Variants in CDH23 observed in about 807,000 individuals in gnomAD.
CDH23 encodes cadherin-23.
Under a neutral mutation model 317.1 loss-of-function variants are expected in CDH23, and 189 were observed. The observed-to-expected ratio is 0.60, with a 90% CI of 0.53 to 0.67. The LOEUF is 0.67. Ranked by LOEUF, CDH23 falls within the 30% of genes least tolerant of loss-of-function variation. The pLI is 0.00. For synonymous variants in CDH23, 1,839 were observed against 1,876.8 expected (o/e 0.98, Z 0.52); for missense variants, 4,401 against 4,592.4 (o/e 0.96, Z 1.20).
chr10:71,772,323 G>A (rs1384258847), intron 38 of CDH23, among the ~76,000 whole-genome samples: 5 of 152,104 alleles, frequency 3.3e-5, no homozygotes, highest in Non-Finnish European at 1.5e-5. Flanking sequence ...CCTGCCCACT[G>A]GGTCCCTGTG....
intron 37 of CDH23, 90 bp from the exon 38 acceptor site, chr10:71,741,604 C>T: frequency 1.8e-6 from 2 of 1,098,358 alleles, no homozygotes; most frequent in South Asian, 2.8e-5. Flanking sequence ...TTGGGAGGTA[C>T]AGGGGGAGCC....
chr10:71,791,424 G>C, intron 47 of CDH23, 89 bp downstream of exon 47: 1 of 1,162,496 alleles, frequency 8.6e-7, no homozygotes, highest in Non-Finnish European at 1.2e-6. Flanking sequence ...CACGGAGTTT[G>C]CCTCCAGTGG....
chr10:71,568,116 T>G (rs555638408), intron 7 of CDH23, among the ~76,000 whole-genome samples: 1 of 152,244 alleles, frequency 6.6e-6, no homozygotes, highest in African/African-American at 2.4e-5. Context: ...AATGCGAACT[T>G]CTTGTTTGGC....
At chr10:71,567,386 A>G (rs925722488) in intron 7 of CDH23, among the ~76,000 whole-genome samples, 5 of 152,332 alleles carry the variant, frequency 3.3e-5, no homozygotes, top group Non-Finnish European at 7.3e-5. Context: ...TGCAGGGCCC[A>G]AAGGAGTTCA....
chr10:71,686,308 A>G (rs1475626244), intron 18 of CDH23, among the ~76,000 whole-genome samples: 1 of 152,076 alleles, frequency 6.6e-6, no homozygotes, highest in African/African-American at 2.4e-5. Flanking sequence ...CACCAGGGAC[A>G]GGGGAGATGC....
At chr10:71,662,682 A>G (rs139928224) in intron 14 of CDH23, among the ~76,000 whole-genome samples, 2 of 152,044 alleles carry the variant, frequency 1.3e-5, no homozygotes, top group African/African-American at 4.8e-5. Flanking sequence ...TTCCTTTTCT[A>G]CCACATCATC....
chr10:71,739,545 G>A (rs1363642161), intron 35 of CDH23, 99 bp from the exon 36 acceptor site: 2 of 1,444,580 alleles, frequency 1.4e-6, no homozygotes. Flanking sequence ...TCAACAGAGG[G>A]CCCACGTGGG....
chr10:71,796,372 T>C lies in CDH23; in HGVS notation c.6713-732T>C, dbSNP rs568814920. ...AGCAGGCAGGGACTCTGGGAGGCAG[T>C]GGGTAGAACAGAAGGAAACCCCTTG... On this transcript the variant is annotated intron_variant, in intron 48 of 69. Transcript: ENST00000224721. 5.9e-5 allele frequency among the ~76,000 whole-genome samples: 9 copies of C among 152,260 alleles called. No homozygotes were observed. In the South Asian group the frequency reaches 1.9e-3, roughly 32 times the overall value.
intron 3 of CDH23, among the ~76,000 whole-genome samples, chr10:71,478,283 A>G (rs1205264997): frequency 6.6e-6 from 1 of 152,182 alleles, no homozygotes; most frequent in East Asian, 1.9e-4. Flanking sequence ...TTACCACTGT[A>G]TGGTTGACCC....
chr10:71,495,134 G>A (rs553975410), intron 3 of CDH23, among the ~76,000 whole-genome samples: 10 of 152,260 alleles, frequency 6.6e-5, no homozygotes, highest in African/African-American at 1.7e-4. Flanking sequence ...AGGCAAGAAC[G>A]GCATTTGCAT....
intron 6 of CDH23, among the ~76,000 whole-genome samples, chr10:71,519,358 C>A (rs1424552894): frequency 6.6e-6 from 1 of 152,260 alleles, no homozygotes; most frequent in East Asian, 1.9e-4. Flanking sequence ...CAGCTCCTTT[C>A]TTTTAAATGG....
In CDH23 at chr10:71,510,201, C is replaced by A; in HGVS notation, c.265C>A (p.Leu89Ile). The A allele has an allele frequency of 6.2e-7, 1 of 1,613,756 alleles. No homozygotes were observed. Among genetic ancestry groups the A allele is most frequent in the African/African-American group, 1.3e-5 (1 of 75,020 alleles). ...AVEPDTGVVWLRQPLDRETKS... is the reference protein window; with the variant it reads ...AVEPDTGVVWIRQPLDRETKS... ...GGAGCCTGACACTGGCGTGGTGTGG[C>A]TCCGGCAGCCACTGGACAGAGAGGT... The change falls in exon 4 of 70, where the codon CTC (leucine) becomes ATC (isoleucine). Residue 89 changes from leucine to isoleucine, a missense_variant. Leu to Ile is a conservative substitution (Grantham distance 5, BLOSUM62 2). Around this residue, in one of 3 missense-constraint regions of CDH23, gnomAD observed 3,068 missense variants for 3,203.3 expected, o/e 0.96. Coordinates refer to ENST00000224721, the MANE Select transcript of CDH23 (RefSeq NM_022124.6).
At chr10:71,561,975 C>T (rs1857154441) in intron 6 of CDH23, among the ~76,000 whole-genome samples, 1 of 152,114 alleles carries the variant, frequency 6.6e-6, no homozygotes, top group African/African-American at 2.4e-5. Flanking sequence ...TGCTCCTTTC[C>T]AGCAAGAAGC....
chr10:71,535,045 C>A (rs749669341), intron 6 of CDH23, among the ~76,000 whole-genome samples: 5 of 152,336 alleles, frequency 3.3e-5, no homozygotes, highest in South Asian at 4.1e-4. Context: ...GTGCCCTCCG[C>A]GGCTCTTCAG....
At position 71,445,782 on chromosome 10, in the gene CDH23, G is replaced by A. The variant is rs141539468; in HGVS notation, c.68-536G>A. Among the ~76,000 whole-genome samples the A allele has an allele frequency of 3.6e-4, 53 of 147,424 alleles. No homozygotes were observed. The East Asian group carries it at 9.4e-3, about 26-fold the overall frequency. ...AAAATCGCTTTAGCTTGGGTGGTCCGGCCTGCCGTGAGCCATGATCACACT... is the reference window on the plus strand; with the variant it reads ...AAAATCGCTTTAGCTTGGGTGGTCCAGCCTGCCGTGAGCCATGATCACACT... On this transcript the variant is annotated intron_variant, in intron 2 of 69. Coordinates refer to ENST00000224721, the MANE Select transcript of CDH23 (RefSeq NM_022124.6).
chr10:71,490,841 G>A (rs12761084), intron 3 of CDH23, among the ~76,000 whole-genome samples: 5,457 of 152,170 alleles, frequency 0.036, 139 homozygotes, highest in Non-Finnish European at 0.058. Flanking sequence ...TGAGGCACAG[G>A]GAGGCAAAGT....
intron 44 of CDH23, 69 bp from the exon 45 acceptor site, chr10:71,788,871 C>T (rs551362218): frequency 1.2e-6 from 1 of 801,190 alleles, no homozygotes; most frequent in Non-Finnish European, 2.3e-6. Flanking sequence ...CCTCCCAACC[C>T]TCCTCCCACC....
intron 2 of CDH23, among the ~76,000 whole-genome samples, chr10:71,445,847 CAAAAAAA>C (rs34460284): frequency 1.1e-5 from 1 of 92,038 alleles, no homozygotes; most frequent in Non-Finnish European, 2.0e-5. Context: ...GACTCTGTCT[CAAAAAAA>C]AAAAAAAAAA....
chr10:71,470,591 G>A (rs556732635), intron 3 of CDH23, among the ~76,000 whole-genome samples: 57 of 152,012 alleles, frequency 3.7e-4, no homozygotes, highest in African/African-American at 1.4e-3. Context: ...CTAGGCTCTA[G>A]CAGTCCTTCC....
Sources: gnomAD v4.1 joint callset for allele counts (sites outside exome capture counted in the v4.1 genomes callset) on GRCh38, gnomAD v4.1.1 for gene constraint, gnomAD v4.1.1 regional missense constraint, MANE v1.5 for transcripts, NCBI Gene and HGNC (gene_info 2026-07-23, HGNC 2026-07-21) for gene names.